OSBPL9: variants seen among roughly 807,000 people sequenced by gnomAD.
The protein encoded by OSBPL9 is oxysterol-binding protein-related protein 9.
In OSBPL9, 40 loss-of-function variants were observed where a neutral mutation model predicts 106.6. The ratio of observed to expected loss-of-function variants is 0.38; its 90% CI spans 0.29 to 0.49. The LOEUF (loss-of-function observed/expected upper bound fraction) is 0.49. Ranked by LOEUF, OSBPL9 falls within the 20% of genes least tolerant of loss-of-function variation. OSBPL9 has a pLI of 0.97. For missense variants in OSBPL9, 609 were observed against 887.2 expected (o/e 0.69, Z 3.98); for synonymous variants, 269 against 295.4 (o/e 0.91, Z 0.92).
rs758823322 is a variant in OSBPL9 at position 51,772,514 on chromosome 1, TCAAA to T, written c.1052-74_1052-71del. On this transcript the variant is annotated intron_variant, in intron 13 of 23. Coordinates refer to ENST00000428468, the MANE Select transcript of OSBPL9 (RefSeq NM_024586.6). ...CTGGGCGAAAGAATGAGACTCCATC[TCAAA>T]CAAACAAACAAACAAAATTGTAATT... 133 of 1,090,020 alleles carry T rather than the reference TCAAA, an allele frequency of 1.2e-4. 1 individual carries two copies. The Middle Eastern group carries it at 3.1e-3, about 26-fold the overall frequency. 67.5% of individuals were successfully genotyped at this position (1,090,020 alleles called of 1,614,324 possible).
chr1:51,658,843 C>T (rs1646971991), intron 2 of OSBPL9, among the ~76,000 whole-genome samples: 1 of 151,770 alleles, frequency 6.6e-6, no homozygotes, highest in Non-Finnish European at 1.5e-5. Flanking sequence ...CCTGTAAGAA[C>T]TTTTATCAAT....
intron 8 of OSBPL9, among the ~76,000 whole-genome samples, chr1:51,754,021 C>T (rs1669820689): frequency 6.6e-6 from 1 of 152,316 alleles, no homozygotes; most frequent in East Asian, 1.9e-4. Context: ...ACATCCCTCC[C>T]CTTACCCTTG....
chr1:51,633,562 G>T (rs998714079), intron 1 of OSBPL9, among the ~76,000 whole-genome samples: 45 of 151,620 alleles, frequency 3.0e-4, no homozygotes, highest in African/African-American at 1.1e-3. Flanking sequence ...GTCCACTCCA[G>T]CCCGGGCAAC....
the OSBPL9 span, among the ~76,000 whole-genome samples, chr1:51,568,121 C>T: frequency 1.3e-5 from 2 of 152,342 alleles, no homozygotes; most frequent in African/African-American, 4.8e-5. Context: ...AGAAGGAGTG[C>T]TTGCCAGAGC....
chr1:51,700,409 G>C (rs973554565), intron 3 of OSBPL9, among the ~76,000 whole-genome samples: 5 of 152,122 alleles, frequency 3.3e-5, no homozygotes, highest in African/African-American at 1.2e-4. Context: ...TCCCTCTAAT[G>C]CTCCTTTTCT....
chr1:51,531,079 G>A, the OSBPL9 span, among the ~76,000 whole-genome samples: 1 of 151,922 alleles, frequency 6.6e-6, no homozygotes. Context: ...TTAGAGACCA[G>A]CCTGGCCAAC....
rs141652856 is a variant in OSBPL9, at chr1:51,781,284, C to T, written c.1377C>T (p.Gly459=). 2,365 of 1,614,096 alleles carry T rather than the reference C, an allele frequency of 1.5e-3. 39 individuals carry two copies. The highest frequency in any genetic ancestry group is 1.7e-3 in the South Asian group (157 of 91,054). The change falls in exon 16 of 24, where the codon GGC becomes GGT. Residue 459 remains glycine, a synonymous_variant. Coordinates refer to ENST00000428468, the MANE Select transcript of OSBPL9 (RefSeq NM_024586.6). The stretch of plus-strand genomic sequence containing the variant: ...AAAAGCCATACAATCCCATTTTGGG[C>T]GAGATTTTTCAGTGTCATTGGACAT... ...VAKKPYNPIL[G]EIFQCHWTLP...
the OSBPL9 span, among the ~76,000 whole-genome samples, chr1:51,555,039 G>A: frequency 2.6e-5 from 4 of 152,178 alleles, no homozygotes; most frequent in African/African-American, 9.7e-5. Flanking sequence ...AGTTAATTTA[G>A]TTTCCCAAGA....
At chr1:51,600,766 T>C (rs1645322356) in intron 2 of OSBPL9, among the ~76,000 whole-genome samples, 1 of 152,222 alleles carries the variant, frequency 6.6e-6, no homozygotes, top group East Asian at 1.9e-4. Flanking sequence ...CCAAGTCCGA[T>C]TTGTTTTCCA....
intron 3 of OSBPL9, chr1:51,707,140 C>G (rs1326728537): frequency 7.8e-6 from 3 of 384,960 alleles, no homozygotes; most frequent in Non-Finnish European, 1.1e-5. Flanking sequence ...GGCACTTACT[C>G]CTTGGAGGCC....
At chr1:51,558,850 G>A in the OSBPL9 span, among the ~76,000 whole-genome samples, 1 of 152,074 alleles carries the variant, frequency 6.6e-6, no homozygotes, top group Non-Finnish European at 1.5e-5. Context: ...ATTATGACTA[G>A]GTTATACTCA....
Position 51,745,635 on chromosome 1 carries a change from T to C in OSBPL9, c.414+4T>C, listed in dbSNP as rs1488500584. Reference sequence around the variant, plus strand: ...AATCTTGATTGAACAATTAAAGGTATGGCATTAGTTTGTATATTAAATTTA... The same window carrying C: ...AATCTTGATTGAACAATTAAAGGTACGGCATTAGTTTGTATATTAAATTTA... On this transcript the variant is annotated splice_donor_region_variant and intron_variant, in intron 5 of 23. Transcript: ENST00000428468. The C allele has an allele frequency of 6.5e-7, 1 of 1,549,954 alleles. No individual in the cohort carries two copies. The highest frequency in any genetic ancestry group is 2.2e-5 in the Admixed American group (1 of 45,394).
In OSBPL9 at chr1:51,784,139, G is replaced by A. The variant is rs996601819; in HGVS notation, c.1624+114G>A. On this transcript the variant is annotated intron_variant, in intron 18 of 23. Coordinates refer to ENST00000428468, the MANE Select transcript of OSBPL9 (RefSeq NM_024586.6). ...ATTGGTATTGGGGGTGAGAGCAAAG[G>A]GTGGGGAACTAGATAGGTTATCCCT... 28 of 1,377,132 alleles carry A rather than the reference G, an allele frequency of 2.0e-5. No individual in the cohort carries two copies. The East Asian group carries it at 6.0e-4, about 29-fold the overall frequency. 85.3% of individuals were successfully genotyped at this position (1,377,132 alleles called of 1,614,324 possible).
chr1:51,747,421 G>C (rs1668214930), intron 6 of OSBPL9, among the ~76,000 whole-genome samples: 1 of 152,062 alleles, frequency 6.6e-6, no homozygotes, highest in African/African-American at 2.4e-5. Context: ...TAAATAAAAA[G>C]CCATATATGA....
chr1:51,656,149 T>G (rs904979480), intron 2 of OSBPL9, among the ~76,000 whole-genome samples: 3 of 152,208 alleles, frequency 2.0e-5, no homozygotes, highest in Non-Finnish European at 4.4e-5. Flanking sequence ...GGGCTGAATT[T>G]TACTCAGCTC....
intron 15 of OSBPL9, among the ~76,000 whole-genome samples, chr1:51,777,122 T>G (rs576474716): frequency 6.6e-6 from 1 of 152,314 alleles, no homozygotes; most frequent in South Asian, 2.1e-4. Context: ...TTTAACACTT[T>G]AAAAAATTCT....
intron 4 of OSBPL9, among the ~76,000 whole-genome samples, chr1:51,742,986 C>G (rs1196468168): frequency 6.6e-6 from 1 of 152,064 alleles, no homozygotes; most frequent in Non-Finnish European, 1.5e-5. Flanking sequence ...TGCTGTAAGT[C>G]ACAATATAAA....
chr1:51,570,039 C>T, the OSBPL9 span, among the ~76,000 whole-genome samples: 1 of 152,166 alleles, frequency 6.6e-6, no homozygotes, highest in Non-Finnish European at 1.5e-5. Context: ...TTTCTGCATA[C>T]CATGCTACCT....
At chr1:51,712,041 C>G (rs1341073728) in intron 3 of OSBPL9, among the ~76,000 whole-genome samples, 5 of 152,088 alleles carry the variant, frequency 3.3e-5, no homozygotes, top group Non-Finnish European at 5.9e-5. Context: ...AATCTCGGCA[C>G]TTTGGGAGGC....
Sources: gnomAD v4.1 joint callset for allele counts (sites outside exome capture counted in the v4.1 genomes callset) on GRCh38, gnomAD v4.1.1 for gene constraint, MANE v1.5 for transcripts, NCBI Gene and HGNC (gene_info 2026-07-23, HGNC 2026-07-21) for gene names.